Variants in LYRM9 observed in about 807,000 individuals in gnomAD.
LYRM9 encodes the protein LYR motif containing 9, also known as LYR motif-containing protein 9.
LYRM9 carries 14 observed loss-of-function variants against 12.6 expected under a neutral mutation model. That is an observed-to-expected ratio of 1.11 (90% CI 0.73 to 1.73). The LOEUF (loss-of-function observed/expected upper bound fraction) is 1.73, where lower values mean the gene tolerates loss of function less well. Among genes scored for constraint, LYRM9 ranks in the 40% most tolerant of loss-of-function variants. The pLI is 0.00. For missense variants in LYRM9, 94 were observed against 95.0 expected (o/e 0.99, Z 0.04); for synonymous variants, 42 against 35.1 (o/e 1.20, Z -0.69).
At chr17:27,884,839 A>AC (rs1397001165) in intron 1 of LYRM9, among the ~76,000 whole-genome samples, 2 of 151,572 alleles carry the variant, frequency 1.3e-5, no homozygotes, top group Admixed American at 1.3e-4. Flanking sequence ...GAAAAAAAAA[A>AC]AAACCCTCCC....
chr17:27,891,651 C>T (rs928797718), intron 1 of LYRM9, among the ~76,000 whole-genome samples: 6 of 152,242 alleles, frequency 3.9e-5, no homozygotes, highest in Non-Finnish European at 8.8e-5. Context: ...TTACAGTCAT[C>T]ACACTGCTCT....
At chr17:27,880,833 T>TA (rs1905027007) in intron 2 of LYRM9, 1 of 165,196 alleles carries the variant, frequency 6.1e-6, no homozygotes, top group Non-Finnish European at 1.3e-5. Context: ...AGGTAGTAGA[T>TA]AGAGTGGCCT....
In LYRM9 at chr17:27,879,172, G is replaced by T; in HGVS notation, c.*301C>A. ...TGATAAAGAGATCTCCAGAATAAAT[G>T]AATCACTTTCAGAGAAAAGTAAAAG... is the stretch of plus-strand genomic sequence containing the variant. On this transcript the variant is annotated 3_prime_UTR_variant, in exon 4 of 4. Coordinates refer to ENST00000379102, the MANE Select transcript of LYRM9 (RefSeq NM_001076680.3). The T allele has an allele frequency of 6.1e-6, 2 of 329,880 alleles. No homozygotes were observed. The highest frequency in any genetic ancestry group is 8.4e-5 in the South Asian group (2 of 23,750). The allele number at this position is 329,880 out of a possible 1,614,324, so 20.4% of individuals were successfully genotyped here. A position where few individuals can be genotyped will look rare whatever the true frequency, so the allele number is the denominator to read the frequency against.
chr17:27,880,139 G>A, intron 3 of LYRM9, 135 bp downstream of exon 3: 1 of 737,786 alleles, frequency 1.4e-6, no homozygotes, highest in Non-Finnish European at 2.4e-6. Flanking sequence ...TTCTGGAGGA[G>A]GGAAGCAGCT....
rs1455384361 is a variant in LYRM9, at chr17:27,879,432, T to G, written c.*41A>C. 1.9e-6 allele frequency: 3 copies of G among 1,546,358 alleles called. No homozygotes were observed. Among genetic ancestry groups the G allele is most frequent in the Non-Finnish European group, 2.6e-6 (3 of 1,145,056 alleles). On this transcript the variant is annotated 3_prime_UTR_variant, in exon 4 of 4. Transcript: ENST00000379102. ...GCTGCTGAGCTCCAGAAGAGGGGCC[T>G]CTCAACTTCCAGAGGCCAGGAAGGC... is the stretch of plus-strand genomic sequence containing the variant.
Position 27,880,278 on chromosome 17 carries a change from T to C in LYRM9, c.215A>G (p.Asn72Ser). ...RAIEDADWIM[N>S]KYKKQN Reference sequence around the variant, plus strand: ...GCCCAGGGGCCAAGCACCTACTTTGTTCATGATCCAGTCAGCATCTTCAAT... The same window carrying C: ...GCCCAGGGGCCAAGCACCTACTTTGCTCATGATCCAGTCAGCATCTTCAAT... The change falls in exon 3 of 4, where the codon AAC becomes AGC. Residue 72 changes from asparagine to serine, a missense_variant. By Grantham distance (46) the Asn-to-Ser change is conservative. Coordinates refer to ENST00000379102, the MANE Select transcript of LYRM9 (RefSeq NM_001076680.3). 6.2e-7 allele frequency: 1 copy of C among 1,606,816 alleles called. No homozygotes were observed. The highest frequency in any genetic ancestry group is 8.5e-7 in the Non-Finnish European group (1 of 1,176,262).
Position 27,888,885 on chromosome 17 carries a change from A to G in LYRM9, c.-19+4432T>C, listed in dbSNP as rs377423419. ...GAAAGTCCCTCCAGTTCTGAGTTAAAATTCCCCGCTGTAAAGTTCTACTCA... is the reference window on the plus strand; with the variant it reads ...GAAAGTCCCTCCAGTTCTGAGTTAAGATTCCCCGCTGTAAAGTTCTACTCA... On this transcript the variant is annotated intron_variant, in intron 1 of 3. Transcript: ENST00000379102. Among the ~76,000 whole-genome samples the G allele has an allele frequency of 3.3e-4, 50 of 152,042 alleles. No individual in the cohort carries two copies. In the South Asian group the frequency reaches 9.4e-3, roughly 28 times the overall value.
chr17:27,887,234 G>C (rs1010645997), intron 1 of LYRM9, among the ~76,000 whole-genome samples: 2 of 152,080 alleles, frequency 1.3e-5, no homozygotes, highest in African/African-American at 4.8e-5. Flanking sequence ...CCAAAATGTA[G>C]AACAAATACC....
At chr17:27,882,452 A>C (rs987075429) in intron 2 of LYRM9, 117 bp downstream of exon 2, 25 of 1,356,314 alleles carry the variant, frequency 1.8e-5, no homozygotes, top group Non-Finnish European at 2.3e-5. Context: ...CTCTTCCCAC[A>C]CTGCCACCTC....
At chr17:27,879,809 G>T (rs931366410) in intron 3 of LYRM9, 3 of 542,378 alleles carry the variant, frequency 5.5e-6, no homozygotes, top group Non-Finnish European at 9.7e-6. Flanking sequence ...CAGCATCTAA[G>T]GGCCAAGACG....
chr17:27,885,939 C>T (rs1905218683), intron 1 of LYRM9, among the ~76,000 whole-genome samples: 1 of 151,994 alleles, frequency 6.6e-6, no homozygotes, highest in Admixed American at 6.5e-5. Flanking sequence ...TCGGACAGGA[C>T]AGGGCTTCTC....
At chr17:27,885,497 A>T (rs1905202438) in intron 1 of LYRM9, among the ~76,000 whole-genome samples, 1 of 152,170 alleles carries the variant, frequency 6.6e-6, no homozygotes, top group South Asian at 2.1e-4. Context: ...GATTGCTTGA[A>T]GCCAGGAGTT....
chr17:27,890,883 A>T (rs1237970685), intron 1 of LYRM9, among the ~76,000 whole-genome samples: 1 of 147,318 alleles, frequency 6.8e-6, no homozygotes, highest in Admixed American at 6.9e-5. Flanking sequence ...TCCATCTTGC[A>T]CATCTGTGTT....
chr17:27,890,085 A>C (rs1905378644), intron 1 of LYRM9, among the ~76,000 whole-genome samples: 1 of 152,238 alleles, frequency 6.6e-6, no homozygotes, highest in Admixed American at 6.5e-5. Context: ...TGCCAAGAGC[A>C]ACAAGGCTAG....
intron 1 of LYRM9, among the ~76,000 whole-genome samples, chr17:27,889,032 C>T (rs1453749539): frequency 7.2e-5 from 11 of 152,164 alleles, no homozygotes; most frequent in Admixed American, 7.2e-4. Context: ...ATGTAAGCAG[C>T]GGGGAGGTGC....
At chr17:27,882,199 G>T (rs759374735) in intron 2 of LYRM9, among the ~76,000 whole-genome samples, 1 of 152,134 alleles carries the variant, frequency 6.6e-6, no homozygotes, top group Non-Finnish European at 1.5e-5. Flanking sequence ...ATGAGTACAG[G>T]CCTATTAGTT....
intron 1 of LYRM9, chr17:27,882,953 C>T (rs548221085): frequency 2.8e-5 from 17 of 597,382 alleles, no homozygotes; most frequent in South Asian, 1.8e-4. Context: ...TCATCCCTGG[C>T]GTCTTCTTTC....
intron 1 of LYRM9, among the ~76,000 whole-genome samples, chr17:27,891,611 G>A (rs945806237): frequency 2.6e-5 from 4 of 152,136 alleles, no homozygotes; most frequent in African/African-American, 9.7e-5. Context: ...ACCTCCTTCA[G>A]GCTTTCATCC....
chr17:27,892,523 C>T, intron 1 of LYRM9: 2 of 416,808 alleles, frequency 4.8e-6, no homozygotes, highest in South Asian at 1.7e-5. Flanking sequence ...AAACATTACG[C>T]TAAGTGAACA....
Sources: gnomAD v4.1 joint callset for allele counts (sites outside exome capture counted in the v4.1 genomes callset) on GRCh38, gnomAD v4.1.1 for gene constraint, MANE v1.5 for transcripts, NCBI Gene and HGNC (gene_info 2026-07-23, HGNC 2026-07-21) for gene names.